Variants in FAM167A observed in about 807,000 individuals in gnomAD.
FAM167A encodes the protein protein FAM167A.
In FAM167A, 23 loss-of-function variants were observed where a neutral mutation model predicts 14.9. That is an observed-to-expected ratio of 1.55 (90% CI 1.11 to 2.19). FAM167A has a LOEUF of 2.19. Ranked by LOEUF, FAM167A falls within the 30% of genes most tolerant of loss-of-function variation. The probability of loss-of-function intolerance (pLI) is 0.00; values close to 1 mark genes in which losing one functional copy is unlikely to be tolerated. For missense variants in FAM167A, 401 were observed against 281.5 expected (o/e 1.42, Z -3.04); for synonymous variants, 174 against 117.7 (o/e 1.48, Z -3.10).
At chr8:11,440,531 C>T (rs1007020860) in intron 2 of FAM167A, among the ~76,000 whole-genome samples, 5 of 152,174 alleles carry the variant, frequency 3.3e-5, no homozygotes, top group Admixed American at 1.3e-4. Flanking sequence ...CAGATTAAGA[C>T]GATGCTTCCA....
intron 2 of FAM167A, chr8:11,434,931 G>A (rs1425280557): frequency 4.7e-6 from 2 of 422,818 alleles, no homozygotes; most frequent in African/African-American, 2.0e-5. Flanking sequence ...CTGGCTGGGT[G>A]AGGACAGGCC....
At chr8:11,449,122 C>A (rs1316891428) in intron 1 of FAM167A, among the ~76,000 whole-genome samples, 1 of 152,240 alleles carries the variant, frequency 6.6e-6, no homozygotes, top group Non-Finnish European at 1.5e-5. Context: ...CCAGCACAGT[C>A]AGACCGCGAG....
intron 2 of FAM167A, among the ~76,000 whole-genome samples, chr8:11,428,574 T>A (rs896038379): frequency 1.4e-4 from 21 of 152,230 alleles, no homozygotes; most frequent in African/African-American, 5.1e-4. Context: ...ACTTCCTCAG[T>A]GGGCTTTGGT....
At chr8:11,440,597 A>T (rs1437226378) in intron 2 of FAM167A, among the ~76,000 whole-genome samples, 1 of 152,158 alleles carries the variant, frequency 6.6e-6, no homozygotes, top group Non-Finnish European at 1.5e-5. Context: ...CTCCTGGGAG[A>T]GCTGCTAGGT....
rs1308628299 is a variant in FAM167A at position 11,457,223 on chromosome 8, A to G, written c.-398+9403T>C. 2.6e-5 allele frequency among the ~76,000 whole-genome samples: 4 copies of G among 151,888 alleles called. No individual in the cohort carries two copies. In the East Asian group the frequency reaches 7.7e-4, roughly 29 times the overall value. On this transcript the variant is annotated intron_variant, in intron 1 of 2. Transcript: ENST00000284486. ...CCCCTGTGGTCTACCCTGCCGGGTA[A>G]GCATTCCCTCTGGCACATGTCCAGC...
At chr8:11,454,938 G>T (rs1807170320) in intron 1 of FAM167A, among the ~76,000 whole-genome samples, 6 of 152,186 alleles carry the variant, frequency 3.9e-5, no homozygotes, top group Admixed American at 3.3e-4. Flanking sequence ...CTCCTCCGGG[G>T]TTGCCATGGC....
chr8:11,455,892 A>ATGAGTGTGAGTGT (rs1807248787), intron 1 of FAM167A, among the ~76,000 whole-genome samples: 8 of 127,078 alleles, frequency 6.3e-5, no homozygotes, highest in African/African-American at 2.5e-4. Flanking sequence ...GTTGCCTTGC[A>ATGAGTGTGAGTGT]GAGTGTGAGT....
At chr8:11,471,692 C>T (rs927672585), upstream of FAM167A, among the ~76,000 whole-genome samples, 1 of 152,174 alleles carries the variant, frequency 6.6e-6, no homozygotes, top group Non-Finnish European at 1.5e-5. Context: ...TTTAGAGAAC[C>T]CTGCCCTGCG....
At chr8:11,445,486 G>A in intron 1 of FAM167A, 1 of 985,788 alleles carries the variant, frequency 1.0e-6, no homozygotes, top group Non-Finnish European at 1.2e-6. Context: ...GTGGCACCTG[G>A]GCTGGATGGC....
chr8:11,425,531 GATGTGTAAACACAAGGTAA>G (rs1805075056), intron 2 of FAM167A, among the ~76,000 whole-genome samples: 1 of 152,120 alleles, frequency 6.6e-6, no homozygotes, highest in Non-Finnish European at 1.5e-5. Flanking sequence ...GTTTCCTATT[GATGTGTAAACACAAGGTAA>G]AATCCTAAGC....
At chr8:11,466,108 G>C (rs983126677) in intron 1 of FAM167A, among the ~76,000 whole-genome samples, 1 of 152,114 alleles carries the variant, frequency 6.6e-6, no homozygotes, top group African/African-American at 2.4e-5. Flanking sequence ...CCCTGCGGCT[G>C]TGCCGTTCCC....
intron 1 of FAM167A, among the ~76,000 whole-genome samples, chr8:11,459,877 A>G (rs1807470073): frequency 6.6e-6 from 1 of 151,998 alleles, no homozygotes; most frequent in South Asian, 2.1e-4. Flanking sequence ...CACCACACCC[A>G]CCACCACACC....
At chr8:11,463,681 C>G (rs1020460195) in intron 1 of FAM167A, among the ~76,000 whole-genome samples, 12 of 152,204 alleles carry the variant, frequency 7.9e-5, no homozygotes, top group African/African-American at 2.4e-4. Flanking sequence ...GCATCTACTG[C>G]CAGCTTCCAC....
chr8:11,457,932 G>A (rs1466790983), intron 1 of FAM167A, among the ~76,000 whole-genome samples: 2 of 152,200 alleles, frequency 1.3e-5, no homozygotes, highest in Non-Finnish European at 2.9e-5. Flanking sequence ...TCAGCTCCTT[G>A]AGGGGCAGGA....
chr8:11,424,876 G>C lies in FAM167A; in HGVS notation c.382-240C>G, dbSNP rs73540421. The stretch of plus-strand genomic sequence containing the variant: ...TTGCTGTATCTAAGTCCTTCTGAAA[G>C]ACATGCATATTGGTCCTGGCTAGAA... On this transcript the variant is annotated intron_variant, in intron 2 of 2. Transcript: ENST00000284486. 9.1e-3 allele frequency among the ~76,000 whole-genome samples: 1,387 copies of C among 152,334 alleles called. 15 individuals carry two copies. Among genetic ancestry groups the C allele is most frequent in the Middle Eastern group, 0.024 (7 of 294 alleles).
chr8:11,439,309 G>C (rs1054458240), intron 2 of FAM167A, among the ~76,000 whole-genome samples: 1 of 152,226 alleles, frequency 6.6e-6, no homozygotes, highest in African/African-American at 2.4e-5. Flanking sequence ...CCCACTTCCC[G>C]TCGGAAGACA....
At chr8:11,463,954 G>A (rs908340190) in intron 1 of FAM167A, among the ~76,000 whole-genome samples, 4 of 152,186 alleles carry the variant, frequency 2.6e-5, no homozygotes, top group Non-Finnish European at 5.9e-5. Flanking sequence ...CTAAGGCCAC[G>A]TGGCAGGGCC....
At chr8:11,458,485 G>A (rs1807416082) in intron 1 of FAM167A, among the ~76,000 whole-genome samples, 1 of 152,116 alleles carries the variant, frequency 6.6e-6, no homozygotes. Context: ...TGGTTCTGAA[G>A]GGACCATGAG....
rs769370993 is a variant in FAM167A, at chr8:11,444,310, G to A, written c.102C>T (p.Thr34=). The change falls in exon 2 of 3, where the codon ACC becomes ACT. Residue 34 remains threonine (T), a synonymous_variant. Coordinates refer to ENST00000284486, the MANE Select transcript of FAM167A (RefSeq NM_053279.3). Reference sequence around the variant, plus strand: ...TGCGGGTCTCCAGCCTCAGTTTCTCGGTGAGGGCCTTCAGGCTCCGGAGGT... The same window carrying A: ...TGCGGGTCTCCAGCCTCAGTTTCTCAGTGAGGGCCTTCAGGCTCCGGAGGT... ...DDHLRSLKAL[T]EKLRLETRRP... 5.0e-5 allele frequency: 80 copies of A among 1,612,304 alleles called. No homozygotes were observed. Among genetic ancestry groups the A allele is most frequent in the Middle Eastern group, 3.3e-4 (2 of 6,002 alleles).
Sources: gnomAD v4.1 joint callset for allele counts (sites outside exome capture counted in the v4.1 genomes callset) on GRCh38, gnomAD v4.1.1 for gene constraint, MANE v1.5 for transcripts, NCBI Gene and HGNC (gene_info 2026-07-23, HGNC 2026-07-21) for gene names.